The following PDE1A variants were observed in gnomAD, a reference collection of about 807,000 sequenced individuals.
PDE1A encodes dual specificity calcium/calmodulin-dependent 3',5'-cyclic nucleotide phosphodiesterase 1A.
A neutral mutation model predicts 61.7 loss-of-function variants in PDE1A; 35 were observed. That is an observed-to-expected ratio of 0.57 (90% confidence interval 0.43 to 0.75). The LOEUF is 0.75. Among genes scored for constraint, PDE1A ranks in the 30% least tolerant of loss-of-function variants. The probability of loss-of-function intolerance (pLI) is 0.00; values close to 1 mark genes in which losing one functional copy is unlikely to be tolerated. For synonymous variants in PDE1A, 232 were observed against 213.2 expected, an observed-to-expected ratio of 1.09 and a Z score of -0.77; for missense variants, 597 against 630.6, an observed-to-expected ratio of 0.95 and a Z score of 0.57.
At chr2:182,298,469 T>C (rs1695031626) in intron 1 of PDE1A, among the ~76,000 whole-genome samples, 1 of 152,074 alleles carries the variant, frequency 6.6e-6, no homozygotes, top group African/African-American at 2.4e-5. Context: ...GAAGAAAGAA[T>C]ATGACCATGA....
chr2:182,249,375 T>C (rs1194844298), intron 2 of PDE1A, among the ~76,000 whole-genome samples: 1 of 152,100 alleles, frequency 6.6e-6, no homozygotes, highest in Non-Finnish European at 1.5e-5. Flanking sequence ...AATTCCAGGG[T>C]CCTACAGTAT....
At chr2:182,442,795 A>G (rs1684878269) in intron 2 of PDE1A, among the ~76,000 whole-genome samples, 1 of 152,100 alleles carries the variant, frequency 6.6e-6, no homozygotes, top group African/African-American at 2.4e-5. Flanking sequence ...TTAAAAGGTC[A>G]AAGGAAATGT....
At chr2:182,235,098 A>C (rs536781079) in intron 3 of PDE1A, among the ~76,000 whole-genome samples, 1 of 152,292 alleles carries the variant, frequency 6.6e-6, no homozygotes, top group South Asian at 2.1e-4. Flanking sequence ...TCATTTCCAT[A>C]ATAGTATCAA....
chr2:182,239,641 T>C (rs1690341524), intron 3 of PDE1A, among the ~76,000 whole-genome samples: 1 of 151,920 alleles, frequency 6.6e-6, no homozygotes, highest in South Asian at 2.1e-4. Flanking sequence ...AAAGTGAGCA[T>C]GAGAGAGATT....
chr2:182,448,708 G>T (rs1358452360), intron 2 of PDE1A, among the ~76,000 whole-genome samples: 2 of 151,948 alleles, frequency 1.3e-5, no homozygotes, highest in Non-Finnish European at 2.9e-5. Flanking sequence ...TTCCAAATTG[G>T]TTTAATTTAG....
intron 7 of PDE1A, among the ~76,000 whole-genome samples, chr2:182,212,097 A>T (rs146618253): frequency 0.015 from 2,239 of 152,202 alleles, 160 homozygotes; most frequent in Admixed American, 0.12. Flanking sequence ...TTAGTGGGAA[A>T]GCTTCAACTT....
chr2:182,299,215 G>A (rs1695075453), intron 1 of PDE1A, among the ~76,000 whole-genome samples: 1 of 151,748 alleles, frequency 6.6e-6, no homozygotes, highest in Non-Finnish European at 1.5e-5. Context: ...ATAGATGCCA[G>A]GTAATAAATG....
the PDE1A span, among the ~76,000 whole-genome samples, chr2:182,690,884 AACAG>A: frequency 3.3e-5 from 5 of 152,194 alleles, no homozygotes; most frequent in African/African-American, 1.2e-4. Flanking sequence ...ATACACCAAT[AACAG>A]ACAAACAGAG....
intron 1 of PDE1A, among the ~76,000 whole-genome samples, chr2:182,415,925 GC>G (rs1301444413): frequency 6.6e-6 from 1 of 152,118 alleles, no homozygotes; most frequent in Non-Finnish European, 1.5e-5. Flanking sequence ...AGAACCATAT[GC>G]CTGGCCTGGC....
At chr2:182,650,204 G>A in the PDE1A span, among the ~76,000 whole-genome samples, 2 of 152,242 alleles carry the variant, frequency 1.3e-5, no homozygotes, top group East Asian at 1.9e-4. Flanking sequence ...AGGGCACAGG[G>A]TCTCAGACTA....
At chr2:182,585,545 C>T in the PDE1A span, among the ~76,000 whole-genome samples, 5 of 152,130 alleles carry the variant, frequency 3.3e-5, no homozygotes, top group Non-Finnish European at 5.9e-5. Flanking sequence ...TAGTCTATAA[C>T]CACCTTTAAG....
At chr2:182,193,066 C>T (rs1053750580) in intron 10 of PDE1A, among the ~76,000 whole-genome samples, 2 of 152,186 alleles carry the variant, frequency 1.3e-5, no homozygotes, top group South Asian at 4.1e-4. Flanking sequence ...CGGCTCACTG[C>T]AACCTCCGCC....
chr2:182,679,271 C>T, the PDE1A span, among the ~76,000 whole-genome samples: 3 of 151,202 alleles, frequency 2.0e-5, no homozygotes, highest in East Asian at 1.9e-4. Flanking sequence ...GCAAGCTCCG[C>T]CTCCCGGGTT....
rs569911687 is a variant in PDE1A, at chr2:182,221,551, G to A, written c.776+2313C>T. Among the ~76,000 whole-genome samples the A allele has an allele frequency of 1.6e-4, 25 of 152,174 alleles. No individual in the cohort carries two copies. The South Asian group carries it at 2.7e-3, about 16-fold the overall frequency. On this transcript the variant is annotated intron_variant, in intron 7 of 13. Transcript: ENST00000351439. ...TCCTGCTACATAACCAGACTCTGAC[G>A]TTTTCCTTTTCCCTCCAAACTGTAT...
the PDE1A span, among the ~76,000 whole-genome samples, chr2:182,584,576 G>A: frequency 5.3e-5 from 8 of 152,208 alleles, no homozygotes; most frequent in Admixed American, 2.0e-4. Flanking sequence ...GGTGGCTGTC[G>A]TCACCTGCTC....
chr2:182,389,394 A>C (rs1559409071), intron 1 of PDE1A, among the ~76,000 whole-genome samples: 1 of 152,224 alleles, frequency 6.6e-6, no homozygotes, highest in Non-Finnish European at 1.5e-5. Context: ...TACGAGGTAT[A>C]CAAACCATAG....
chr2:182,447,184 A>G (rs1685198178), intron 2 of PDE1A, among the ~76,000 whole-genome samples: 1 of 151,722 alleles, frequency 6.6e-6, no homozygotes, highest in Non-Finnish European at 1.5e-5. Context: ...ACTGTTTATT[A>G]TATTTCCCTT....
Position 182,263,360 on chromosome 2 carries a change from A to T in PDE1A, c.167+941T>A, listed in dbSNP as rs374482340. On this transcript the variant is annotated intron_variant, in intron 2 of 13. Transcript: ENST00000351439. ...CACCAAGAGAGTACTTTGAATATAT[A>T]TATTTTCTACTATTTTAGCTGAATT... is the stretch of plus-strand genomic sequence containing the variant. 5.3e-5 allele frequency among the ~76,000 whole-genome samples: 8 copies of T among 152,036 alleles called. No individual in the cohort carries two copies. The East Asian group carries it at 1.4e-3, about 26-fold the overall frequency.
intron 1 of PDE1A, among the ~76,000 whole-genome samples, chr2:182,358,993 TCCTC>T (rs200410631): frequency 1.1e-4 from 16 of 151,658 alleles, no homozygotes; most frequent in African/African-American, 3.1e-4. Context: ...CTTCCTTCCT[TCCTC>T]TGTCCTTTCT....
Sources: allele counts gnomAD v4.1 joint callset (sites outside exome capture counted in the v4.1 genomes callset), GRCh38; gene constraint gnomAD v4.1.1; transcripts MANE v1.5; gene names NCBI Gene and HGNC (gene_info 2026-07-23, HGNC 2026-07-21).